SMYD3: variants seen among roughly 807,000 people sequenced by gnomAD.
SMYD3 encodes SET and MYND domain containing 3.
In SMYD3, 36 loss-of-function variants were observed where a neutral mutation model predicts 57.7. The observed-to-expected ratio is 0.62, with a 90% CI of 0.48 to 0.82. The LOEUF is 0.82. SMYD3 is among the 40% of genes least tolerant of loss of function. The pLI is 0.00. For synonymous variants in SMYD3, 211 were observed against 195.0 expected (o/e 1.08, Z -0.68); for missense variants, 515 against 538.8 (o/e 0.96, Z 0.44).
At chr1:245,761,617 T>C (rs921754629) in intron 11 of SMYD3, among the ~76,000 whole-genome samples, 2 of 152,158 alleles carry the variant, frequency 1.3e-5, no homozygotes, top group Non-Finnish European at 2.9e-5. Flanking sequence ...GTTGGCATCA[T>C]GGGTTCGGTT....
chr1:245,995,666 G>T (rs533099741), intron 5 of SMYD3, among the ~76,000 whole-genome samples: 2 of 152,248 alleles, frequency 1.3e-5, no homozygotes, highest in African/African-American at 2.4e-5. Context: ...AGTAGGGGGT[G>T]GGGGAGAGAC....
chr1:246,472,291 C>T (rs1310549122), intron 1 of SMYD3, among the ~76,000 whole-genome samples: 1 of 152,124 alleles, frequency 6.6e-6, no homozygotes, highest in Non-Finnish European at 1.5e-5. Flanking sequence ...ACAGGCAGCC[C>T]TTTTTGCAAT....
intron 10 of SMYD3, among the ~76,000 whole-genome samples, chr1:245,770,983 C>A (rs1411358255): frequency 1.3e-5 from 2 of 152,040 alleles, no homozygotes; most frequent in South Asian, 2.1e-4. Context: ...GCAGAGGTCT[C>A]ATATGTGTCA....
In SMYD3 at chr1:245,766,527, C is replaced by T. The variant is rs6694842; in HGVS notation, c.1077-2378G>A. On this transcript the variant is annotated intron_variant, in intron 10 of 11. Transcript: ENST00000490107. ...AGGGGTCAATCACTTTACCTCTCAC[C>T]CCTTACGAAATGAACATCATTATCT... 6.6e-3 allele frequency among the ~76,000 whole-genome samples: 998 copies of T among 152,068 alleles called. 11 individuals carry two copies. The highest frequency in any genetic ancestry group is 0.022 in the African/African-American group (899 of 41,466).
At chr1:245,987,893 T>C (rs891343429) in intron 5 of SMYD3, among the ~76,000 whole-genome samples, 6 of 152,186 alleles carry the variant, frequency 3.9e-5, no homozygotes, top group Admixed American at 2.6e-4. Context: ...GAATCATCTC[T>C]GAAACTTAAA....
chr1:246,026,469 T>C lies in SMYD3; in HGVS notation c.532-96532A>G, dbSNP rs538060175. On this transcript the variant is annotated intron_variant, in intron 5 of 11. Transcript: ENST00000490107. ...AGATAGAAGGTTTGTGAATCCTTTG[T>C]TGAACAAGTCTATTAGCACCATTTG... Among the ~76,000 whole-genome samples the C allele has an allele frequency of 4.0e-4, 61 of 152,354 alleles. 1 individual carries two copies. The highest frequency in any genetic ancestry group is 1.4e-3 in the African/African-American group (57 of 41,590).
chr1:246,098,864 T>G (rs1056045529), intron 5 of SMYD3, among the ~76,000 whole-genome samples: 1 of 152,202 alleles, frequency 6.6e-6, no homozygotes, highest in Non-Finnish European at 1.5e-5. Flanking sequence ...GGCTTACACA[T>G]AAACACATGT....
At chr1:245,804,652 T>C (rs1428018596) in intron 10 of SMYD3, among the ~76,000 whole-genome samples, 1 of 152,332 alleles carries the variant, frequency 6.6e-6, no homozygotes, top group East Asian at 1.9e-4. Context: ...GGCTCTGCTC[T>C]TATAAATGAA....
intron 10 of SMYD3, among the ~76,000 whole-genome samples, chr1:245,802,514 G>A (rs2047920533): frequency 1.3e-5 from 2 of 152,144 alleles, no homozygotes; most frequent in Middle Eastern, 3.2e-3. Flanking sequence ...GATACATTTT[G>A]CATTGCATAC....
intron 5 of SMYD3, among the ~76,000 whole-genome samples, chr1:245,992,619 C>G (rs6704391): frequency 0.47 from 7,600 of 16,328 alleles, 2,493 homozygotes; most frequent in Non-Finnish European, 0.66. Flanking sequence ...TCATGGATCG[C>G]CCACTTCTAG....
chr1:246,360,110 A>G (rs2065965383), intron 1 of SMYD3, among the ~76,000 whole-genome samples: 1 of 152,212 alleles, frequency 6.6e-6, no homozygotes, highest in African/African-American at 2.4e-5. Context: ...TGAATTCAGC[A>G]AAGTTTCAGG....
At chr1:246,086,583 A>C (rs2060725957) in intron 5 of SMYD3, among the ~76,000 whole-genome samples, 1 of 151,728 alleles carries the variant, frequency 6.6e-6, no homozygotes, top group Non-Finnish European at 1.5e-5. Context: ...AGATTTCAGT[A>C]AAATAGTTTA....
chr1:246,207,605 A>G (rs75051858), intron 5 of SMYD3, among the ~76,000 whole-genome samples: 6,804 of 152,256 alleles, frequency 0.045, 259 homozygotes, highest in African/African-American at 0.088. Context: ...TACAAACAGT[A>G]AAAGACAAAA....
chr1:246,260,690 CAA>C (rs2063990627), intron 5 of SMYD3, among the ~76,000 whole-genome samples: 1 of 152,232 alleles, frequency 6.6e-6, no homozygotes, highest in South Asian at 2.1e-4. Flanking sequence ...CTCAGCCTCC[CAA>C]AGTGCTAGAT....
chr1:246,312,448 T>G (rs1388725305), intron 5 of SMYD3, among the ~76,000 whole-genome samples: 1 of 151,408 alleles, frequency 6.6e-6, no homozygotes, highest in African/African-American at 2.4e-5. Context: ...AACAATAGAG[T>G]CAAGAGATCT....
At chr1:246,067,778 G>A (rs1192460966) in intron 5 of SMYD3, among the ~76,000 whole-genome samples, 2 of 152,150 alleles carry the variant, frequency 1.3e-5, no homozygotes, top group African/African-American at 2.4e-5. Context: ...AGAAGCAGAC[G>A]CATAACAGCA....
chr1:245,955,981 C>G (rs956906281), intron 5 of SMYD3: 1 of 984,644 alleles, frequency 1.0e-6, no homozygotes, highest in Admixed American at 6.2e-5. Context: ...TTCTAGGAGG[C>G]GCTTATGAAG....
Position 245,915,533 on chromosome 1 carries a change from G to C in SMYD3, c.810C>G (p.Asp270Glu), listed in dbSNP as rs769353259. Residue 270 changes from aspartate (D) to glutamate (E), a missense_variant, in exon 8 of 12, where the codon GAC becomes GAG. Transcript: ENST00000490107. ...ECDCFRCQTQDKDADMLTGDE... is the reference protein window; with the variant it reads ...ECDCFRCQTQEKDADMLTGDE... ...AATCTGGTTCCATACTACATACCTT[G>C]TCCTGGGTTTGGCAACGGAAACAGT... is the stretch of plus-strand genomic sequence containing the variant. 3.1e-6 allele frequency: 5 copies of C among 1,608,814 alleles called. No individual in the cohort carries two copies. In the South Asian group the frequency reaches 3.3e-5, roughly 11 times the overall value.
intron 5 of SMYD3, among the ~76,000 whole-genome samples, chr1:246,216,286 C>CAAAAAAA (rs761129685): frequency 8.0e-6 from 1 of 125,662 alleles, no homozygotes. Context: ...GACTCCATTT[C>CAAAAAAA]AAAAAAAAAA....
Sources: gnomAD v4.1 joint callset for allele counts (sites outside exome capture counted in the v4.1 genomes callset) on GRCh38, gnomAD v4.1.1 for gene constraint, MANE v1.5 for transcripts, NCBI Gene and HGNC (gene_info 2026-07-23, HGNC 2026-07-21) for gene names.